The following NCS1 variants were observed in gnomAD, a reference collection of about 807,000 sequenced individuals.
NCS1 encodes neuronal calcium sensor 1, also known as frequenin homolog.
A neutral mutation model predicts 28.4 loss-of-function variants in NCS1; 6 were observed. The observed-to-expected ratio is 0.21, with a 90% CI of 0.12 to 0.42. The LOEUF (loss-of-function observed/expected upper bound fraction) is 0.42, where lower values mean the gene tolerates loss of function less well. Among genes scored for constraint, NCS1 ranks in the 10% least tolerant of loss-of-function variants. The pLI is 1.00. For missense variants in NCS1, 131 were observed against 241.4 expected (o/e 0.54, Z 3.03); for synonymous variants, 86 against 99.3 (o/e 0.87, Z 0.79).
intron 1 of NCS1, among the ~76,000 whole-genome samples, chr9:130,174,955 T>A (rs1238272748): frequency 6.6e-6 from 1 of 152,106 alleles, no homozygotes; most frequent in Non-Finnish European, 1.5e-5. Context: ...CAAAGCTTTG[T>A]TAGGAACTGG....
chr9:130,201,370 C>T lies in NCS1; in HGVS notation c.89+388C>T, dbSNP rs191689133. ...CACCCCTTCTATAGAATGATCGATT[C>T]GATTGGATCAGGGATGGCAAATGGG... On this transcript the variant is annotated intron_variant, in intron 2 of 7. Coordinates refer to ENST00000372398, the MANE Select transcript of NCS1 (RefSeq NM_014286.4). Among the ~76,000 whole-genome samples the T allele has an allele frequency of 3.2e-4, 48 of 152,232 alleles. No individual in the cohort carries two copies. The East Asian group carries it at 7.7e-3, about 24-fold the overall frequency.
rs1416912064 is a variant in NCS1 at position 130,215,115 on chromosome 9, G to A, written c.90-2717G>A. ...TGTGGATAAGTTAGAAGGTTTGCACGAAGAAGAAGTAACCATCTGACATCC... is the reference window on the plus strand; with the variant it reads ...TGTGGATAAGTTAGAAGGTTTGCACAAAGAAGAAGTAACCATCTGACATCC... On this transcript the variant is annotated intron_variant, in intron 2 of 7. Coordinates refer to ENST00000372398, the MANE Select transcript of NCS1 (RefSeq NM_014286.4). This position sits in a 1 kb window ranked among gnomAD's most constrained non-coding sequence, Gnocchi z 4.2. Among the ~76,000 whole-genome samples, 2 of 152,184 alleles carry A rather than the reference G, an allele frequency of 1.3e-5. No individual in the cohort carries two copies. The highest frequency in any genetic ancestry group is 2.9e-5 in the Non-Finnish European group (2 of 68,014).
At chr9:130,178,903 C>CCCCTG (rs1392552044) in intron 1 of NCS1, among the ~76,000 whole-genome samples, 1 of 29,244 alleles carries the variant, frequency 3.4e-5, no homozygotes, top group East Asian at 1.1e-3. Flanking sequence ...CCCCTGCCCT[C>CCCCTG]CCCTCCCCTT....
intron 2 of NCS1, among the ~76,000 whole-genome samples, chr9:130,211,291 T>C (rs1431069759): frequency 6.6e-6 from 1 of 151,698 alleles, no homozygotes; most frequent in Non-Finnish European, 1.5e-5. Context: ...TTATCTGAAA[T>C]TGGGGGCCTG....
intron 1 of NCS1, among the ~76,000 whole-genome samples, chr9:130,182,597 TGTG>T (rs1337073155): frequency 6.6e-6 from 1 of 151,840 alleles, no homozygotes; most frequent in Non-Finnish European, 1.5e-5. Flanking sequence ...CTGATAGGAG[TGTG>T]TGGCGCAGCT....
intron 1 of NCS1, among the ~76,000 whole-genome samples, chr9:130,190,804 T>G (rs1379036991): frequency 6.6e-6 from 1 of 152,168 alleles, no homozygotes; most frequent in Non-Finnish European, 1.5e-5. Context: ...CTTGGTTGAG[T>G]GCTTTGCCTC....
At chr9:130,216,170 C>A (rs1833182423) in intron 2 of NCS1, among the ~76,000 whole-genome samples, 1 of 152,184 alleles carries the variant, frequency 6.6e-6, no homozygotes, top group Non-Finnish European at 1.5e-5. Context: ...CTGTATGGAC[C>A]CTAATCAGAG....
chr9:130,219,090 A>G lies in NCS1; in HGVS notation c.229-635A>G, dbSNP rs1436565973. On this transcript the variant is annotated intron_variant, in intron 3 of 7. Transcript: ENST00000372398. This position sits in a 1 kb window ranked among gnomAD's most constrained non-coding sequence, Gnocchi z 5.7. ...TCACCTCCGGGCAGTGGCTGCACGG[A>G]TAGCTGTTGGGTTATCTGCGATGAC... is the stretch of plus-strand genomic sequence containing the variant. 1.3e-5 allele frequency among the ~76,000 whole-genome samples: 2 copies of G among 152,052 alleles called. No homozygotes were observed. Among genetic ancestry groups the G allele is most frequent in the African/African-American group, 4.8e-5 (2 of 41,376 alleles).
intron 7 of NCS1, among the ~76,000 whole-genome samples, chr9:130,231,501 A>G (rs543916244): frequency 2.0e-5 from 3 of 151,936 alleles, no homozygotes; most frequent in African/African-American, 7.2e-5. Flanking sequence ...CTCCTGCCTC[A>G]GTCTCCTGAG....
rs13300858 is a variant in NCS1 at position 130,234,596 on chromosome 9, A to G, written c.*1624A>G. On this transcript the variant is annotated 3_prime_UTR_variant, in exon 8 of 8. Coordinates refer to ENST00000372398, the MANE Select transcript of NCS1 (RefSeq NM_014286.4). The surrounding 1 kb of genome is among the most constrained non-coding windows in gnomAD (Gnocchi z 6.1). ...TCATGTCACTCTAGGCCTGGGGTTC[A>G]GTTTCCTGTGGCTGGTGATGCTGTG... 5,275 of 152,364 alleles carry G rather than the reference A, an allele frequency of 0.035. 137 individuals carry two copies. Among genetic ancestry groups the G allele is most frequent in the Non-Finnish European group, 0.053 (3,608 of 68,112 alleles). The allele number at this position is 152,364 out of a possible 1,614,324, so 9.4% of individuals were successfully genotyped here.
In NCS1 at chr9:130,209,393, G is replaced by A. The variant is rs189429891; in HGVS notation, c.89+8411G>A. On this transcript the variant is annotated intron_variant, in intron 2 of 7. Transcript: ENST00000372398. This position sits in a 1 kb window ranked among gnomAD's most constrained non-coding sequence, Gnocchi z 4.4. ...GTTTGGGAGACTGAGGCCTGGCAGT[G>A]CGGGGGCTTGCTCAGGCCCTCAGAG... Among the ~76,000 whole-genome samples, 143 of 152,330 alleles carry A rather than the reference G, an allele frequency of 9.4e-4. No individual in the cohort carries two copies. In the Middle Eastern group the frequency reaches 0.02, roughly 22 times the overall value.
In NCS1 at chr9:130,175,304, G is replaced by T. The variant is rs1554904492; in HGVS notation, c.64+2577G>T. Among the ~76,000 whole-genome samples, 1 of 152,182 alleles carries T rather than the reference G, an allele frequency of 6.6e-6. No individual in the cohort carries two copies. The highest frequency in any genetic ancestry group is 2.4e-5 in the African/African-American group (1 of 41,444). On this transcript the variant is annotated intron_variant, in intron 1 of 7. Coordinates refer to ENST00000372398, the MANE Select transcript of NCS1 (RefSeq NM_014286.4). This position sits in a 1 kb window ranked among gnomAD's most constrained non-coding sequence, Gnocchi z 4.9. ...ATGGGCTTCCTTCTGATGGGGAGTGGAGCCATCTGCTCTTTGTTCTGGGGG... is the reference window on the plus strand; with the variant it reads ...ATGGGCTTCCTTCTGATGGGGAGTGTAGCCATCTGCTCTTTGTTCTGGGGG...
chr9:130,221,397 TATATATATATATATATAGAG>T lies in NCS1; in HGVS notation c.308-1251_308-1232del, dbSNP rs1421702902. 4.1e-3 allele frequency among the ~76,000 whole-genome samples: 248 copies of T among 61,196 alleles called. 1 individual carries two copies. Among genetic ancestry groups the T allele is most frequent in the African/African-American group, 0.01 (162 of 16,180 alleles). 40.1% of individuals were successfully genotyped at this position (61,196 alleles called of 152,430 possible). On this transcript the variant is annotated intron_variant, in intron 4 of 7. Transcript: ENST00000372398. ...AATATCATATATATATATATATATA[TATATATATATATATATAGAG>T]AGAGAGAGAGAGAGAGAGAGAGAGA... is the stretch of plus-strand genomic sequence containing the variant.
intron 1 of NCS1, among the ~76,000 whole-genome samples, chr9:130,200,005 C>T (rs1487187562): frequency 6.6e-6 from 1 of 152,234 alleles, no homozygotes; most frequent in Admixed American, 6.5e-5. Context: ...AAATTCCATT[C>T]TTTGACGCCA....
rs1365241581 is a variant in NCS1, at chr9:130,176,191, TTTC to T, written c.64+3467_64+3469del. Among the ~76,000 whole-genome samples the T allele has an allele frequency of 8.4e-3, 619 of 73,522 alleles. 9 individuals carry two copies. The highest frequency in any genetic ancestry group is 0.011 in the Non-Finnish European group (494 of 45,568). The allele number at this position is 73,522 out of a possible 152,430, so 48.2% of individuals were successfully genotyped here. A position where few individuals can be genotyped will look rare whatever the true frequency, so the allele number is the denominator to read the frequency against. The stretch of plus-strand genomic sequence containing the variant: ...CTTTCTTTCTTTCTTTCTTTCTTTC[TTTC>T]TTTTTTTTTTTTTTTGGAGACAGGG... On this transcript the variant is annotated intron_variant, in intron 1 of 7. Transcript: ENST00000372398.
At chr9:130,212,058 C>T (rs1252274197) in intron 2 of NCS1, among the ~76,000 whole-genome samples, 1 of 142,882 alleles carries the variant, frequency 7.0e-6, no homozygotes, top group African/African-American at 2.5e-5. Flanking sequence ...CATATGGACG[C>T]CCTGAGCCAG....
rs929740183 is a variant in NCS1 at position 130,175,189 on chromosome 9, C to G, written c.64+2462C>G. 1.5e-4 allele frequency among the ~76,000 whole-genome samples: 23 copies of G among 152,040 alleles called. No individual in the cohort carries two copies. Among genetic ancestry groups the G allele is most frequent in the African/African-American group, 5.6e-4 (23 of 41,388 alleles). ...TGTGGAGCTCACAGCTGTGTTCCCC[C>G]CATGTGTTGGCCTTTAGTAGGTTCA... On this transcript the variant is annotated intron_variant, in intron 1 of 7. Coordinates refer to ENST00000372398, the MANE Select transcript of NCS1 (RefSeq NM_014286.4). This position sits in a 1 kb window ranked among gnomAD's most constrained non-coding sequence, Gnocchi z 4.9.
At chr9:130,199,966 C>T (rs954216550) in intron 1 of NCS1, among the ~76,000 whole-genome samples, 1 of 152,134 alleles carries the variant, frequency 6.6e-6, no homozygotes, top group Non-Finnish European at 1.5e-5. Context: ...GGCCCTACGC[C>T]GTACCCTTTG....
chr9:130,223,166 TGGGGG>T lies in NCS1; in HGVS notation c.474+10_474+14del. 1.1e-6 allele frequency: 1 copy of T among 878,596 alleles called. No individual in the cohort carries two copies. The highest frequency in any genetic ancestry group is 1.7e-6 in the Non-Finnish European group (1 of 589,164). The allele number at this position is 878,596 out of a possible 1,614,324, so 54.4% of individuals were successfully genotyped here. ...CTTTGCCATGATGGATAAGGTGAGG[TGGGGG>T]GGCGGGGCTGGTCCTGGACCAGGGA... On this transcript the variant is annotated splice_region_variant and intron_variant, in intron 6 of 7. Coordinates refer to ENST00000372398, the MANE Select transcript of NCS1 (RefSeq NM_014286.4).
Sources: gnomAD v4.1 joint callset for allele counts (sites outside exome capture counted in the v4.1 genomes callset) on GRCh38, gnomAD v4.1.1 for gene constraint, Gnocchi (gnomAD v3.1) non-coding constraint, MANE v1.5 for transcripts, NCBI Gene and HGNC (gene_info 2026-07-23, HGNC 2026-07-21) for gene names.